The following SEL1L2 variants were observed in gnomAD, a reference collection of about 807,000 sequenced individuals.
The protein encoded by SEL1L2 is SEL1L2 adaptor subunit of SYVN1 ubiquitin ligase.
A neutral mutation model predicts 98.8 loss-of-function variants in SEL1L2; 89 were observed. That is an observed-to-expected ratio of 0.90 (90% CI 0.76 to 1.07). SEL1L2 has a LOEUF of 1.07. Ranked by LOEUF, SEL1L2 falls within the 50% of genes least tolerant of loss-of-function variation. The pLI, the probability that SEL1L2 is intolerant of heterozygous loss-of-function variation, is 0.00. For missense variants in SEL1L2, 788 were observed against 812.0 expected, an observed-to-expected ratio of 0.97 and a Z score of 0.36; for synonymous variants, 262 against 278.5, an observed-to-expected ratio of 0.94 and a Z score of 0.59.
intron 5 of SEL1L2, among the ~76,000 whole-genome samples, chr20:13,905,357 G>A (rs145650774): frequency 0.022 from 2,986 of 137,826 alleles, 50 homozygotes; most frequent in Non-Finnish European, 0.031. Context: ...CTTGTCACCC[G>A]GGCTGGAGTG....
chr20:13,905,871 CTTT>C (rs903449859), intron 5 of SEL1L2, among the ~76,000 whole-genome samples: 5 of 123,754 alleles, frequency 4.0e-5, no homozygotes, highest in Admixed American at 8.4e-5. Flanking sequence ...TTTTCTTTTC[CTTT>C]TTTTTTTTTT....
At chr20:13,939,711 G>A (rs2049660094) in intron 2 of SEL1L2, among the ~76,000 whole-genome samples, 1 of 120,084 alleles carries the variant, frequency 8.3e-6, no homozygotes, top group Non-Finnish European at 1.7e-5. Flanking sequence ...TTGTTGCCCA[G>A]GCTGGAGAGC....
At chr20:13,946,409 G>A (rs1217974571) in intron 2 of SEL1L2, among the ~76,000 whole-genome samples, 1 of 151,996 alleles carries the variant, frequency 6.6e-6, no homozygotes, top group Non-Finnish European at 1.5e-5. Flanking sequence ...AAAGAATAAA[G>A]TACTTATAAA....
intron 3 of SEL1L2, among the ~76,000 whole-genome samples, chr20:13,923,388 T>C (rs1456582968): frequency 6.6e-6 from 1 of 152,220 alleles, no homozygotes; most frequent in East Asian, 1.9e-4. Flanking sequence ...CAGAATCGTA[T>C]AGATTCCTCA....
At chr20:13,914,845 G>A (rs2048336632) in intron 4 of SEL1L2, among the ~76,000 whole-genome samples, 1 of 152,108 alleles carries the variant, frequency 6.6e-6, no homozygotes, top group Non-Finnish European at 1.5e-5. Context: ...AAAATGATAG[G>A]TGCCACAGGA....
chr20:13,959,387 A>C (rs1460217032), intron 1 of SEL1L2, among the ~76,000 whole-genome samples: 4 of 152,122 alleles, frequency 2.6e-5, no homozygotes, highest in African/African-American at 9.7e-5. Context: ...CATCCACTAC[A>C]GCTTTCTGAA....
chr20:13,860,800 C>T (rs1259198230), intron 17 of SEL1L2, among the ~76,000 whole-genome samples: 2 of 152,128 alleles, frequency 1.3e-5, no homozygotes, highest in Non-Finnish European at 2.9e-5. Context: ...ATCTCTCTCT[C>T]CCTGAGGCCC....
intron 1 of SEL1L2, among the ~76,000 whole-genome samples, chr20:13,960,968 T>C (rs1269698204): frequency 6.6e-6 from 1 of 152,194 alleles, no homozygotes; most frequent in Non-Finnish European, 1.5e-5. Context: ...AGAGTTAGCC[T>C]TGGAAGGGGA....
chr20:13,939,665 C>CTTTTTTTTTTTT (rs3042764), intron 2 of SEL1L2, among the ~76,000 whole-genome samples: 37 of 138,562 alleles, frequency 2.7e-4, no homozygotes, highest in East Asian at 4.2e-4. Flanking sequence ...CACCCTTATT[C>CTTTTTTTTTTTT]TTTTTTTTTT....
intron 2 of SEL1L2, among the ~76,000 whole-genome samples, chr20:13,943,298 A>G (rs1254826709): frequency 6.6e-6 from 1 of 152,234 alleles, no homozygotes; most frequent in Non-Finnish European, 1.5e-5. Flanking sequence ...CAGTGCTAAC[A>G]TAAGATTTAT....
chr20:13,883,013 G>T (rs2046786391), intron 10 of SEL1L2, among the ~76,000 whole-genome samples: 1 of 151,894 alleles, frequency 6.6e-6, no homozygotes, highest in Non-Finnish European at 1.5e-5. Flanking sequence ...GTAGAGACGG[G>T]GTTTCACCGT....
intron 2 of SEL1L2, among the ~76,000 whole-genome samples, chr20:13,934,068 C>A (rs568447001): frequency 6.7e-6 from 1 of 150,174 alleles, no homozygotes; most frequent in East Asian, 2.0e-4. Flanking sequence ...GCACCCATCA[C>A]CCGAGCAGTA....
At chr20:13,902,468 G>T (rs1320814046) in intron 5 of SEL1L2, among the ~76,000 whole-genome samples, 2 of 152,188 alleles carry the variant, frequency 1.3e-5, no homozygotes, top group African/African-American at 4.8e-5. Context: ...TGAACAAATG[G>T]ATTTAAATGA....
intron 5 of SEL1L2, among the ~76,000 whole-genome samples, chr20:13,891,389 C>A (rs1305798990): frequency 6.6e-6 from 1 of 152,128 alleles, no homozygotes; most frequent in Non-Finnish European, 1.5e-5. Context: ...GCTGTCCAGG[C>A]CAGGCGCAGT....
intron 5 of SEL1L2, among the ~76,000 whole-genome samples, chr20:13,892,571 AAC>A (rs1600644053): frequency 6.6e-6 from 1 of 152,218 alleles, no homozygotes; most frequent in African/African-American, 2.4e-5. Flanking sequence ...AACAAAAACA[AAC>A]ACACACAACT....
chr20:13,914,194 T>A (rs2048312803), intron 4 of SEL1L2, among the ~76,000 whole-genome samples: 1 of 152,204 alleles, frequency 6.6e-6, no homozygotes, highest in African/African-American at 2.4e-5. Context: ...CACCATCTTA[T>A]ACACTGATAC....
chr20:13,910,171 A>C (rs1056967971), intron 5 of SEL1L2, among the ~76,000 whole-genome samples: 2 of 152,204 alleles, frequency 1.3e-5, no homozygotes, highest in South Asian at 4.1e-4. Flanking sequence ...ATTGAGACCC[A>C]GAGAGGACAA....
chr20:13,862,035 C>T (rs556060495), intron 17 of SEL1L2, among the ~76,000 whole-genome samples: 5 of 152,324 alleles, frequency 3.3e-5, no homozygotes, highest in East Asian at 1.9e-4. Context: ...AGTTTATTTT[C>T]TCTCTTCCAT....
At chr20:13,885,242 T>G in intron 10 of SEL1L2, 105 bp downstream of exon 10, 1 of 765,050 alleles carries the variant, frequency 1.3e-6, no homozygotes, top group Non-Finnish European at 2.4e-6. Context: ...GTGGGCTTTC[T>G]GAGCAACTCT....
Sources: allele counts gnomAD v4.1 joint callset (sites outside exome capture counted in the v4.1 genomes callset), GRCh38; gene constraint gnomAD v4.1.1; transcripts MANE v1.5; gene names NCBI Gene and HGNC (gene_info 2026-07-23, HGNC 2026-07-21).